RBFOX3: variants seen among roughly 807,000 people sequenced by gnomAD.
RBFOX3 encodes the protein RNA binding protein fox-1 homolog 3.
RBFOX3 carries 17 observed loss-of-function variants against 48.7 expected under a neutral mutation model. The observed-to-expected ratio is 0.35, with a 90% CI of 0.24 to 0.52. The LOEUF is 0.52. Among genes scored for constraint, RBFOX3 ranks in the 20% least tolerant of loss-of-function variants. The probability of loss-of-function intolerance (pLI) is 0.94; values close to 1 mark genes in which losing one functional copy is unlikely to be tolerated. For synonymous variants in RBFOX3, 212 were observed against 209.5 expected, an observed-to-expected ratio of 1.01 and a Z score of -0.10; for missense variants, 382 against 497.5, an observed-to-expected ratio of 0.77 and a Z score of 2.21.
At position 79,220,375 on chromosome 17, in the gene RBFOX3, C is replaced by A; in HGVS notation, c.-34+15391G>T. Among the ~76,000 whole-genome samples, 1 of 152,118 alleles carries A rather than the reference C, an allele frequency of 6.6e-6. No homozygotes were observed. Among genetic ancestry groups the A allele is most frequent in the East Asian group, 1.9e-4 (1 of 5,184 alleles). On this transcript the variant is annotated intron_variant, in intron 4 of 14. Transcript: ENST00000693108. The surrounding 1 kb of genome is among the most constrained non-coding windows in gnomAD (Gnocchi z 5.9). The stretch of plus-strand genomic sequence containing the variant: ...GTGCGGCTCTCCTCTCTGCCTCCCG[C>A]TCGCTCCTGCTCACTCCAGGTCCTC...
chr17:79,276,149 C>T (rs774450787), intron 3 of RBFOX3, among the ~76,000 whole-genome samples: 4 of 152,186 alleles, frequency 2.6e-5, no homozygotes, highest in Non-Finnish European at 4.4e-5. Context: ...ATTCCATTCA[C>T]GTGACACGTC....
At chr17:79,194,404 C>G (rs556687086) in intron 4 of RBFOX3, among the ~76,000 whole-genome samples, 1 of 152,062 alleles carries the variant, frequency 6.6e-6, no homozygotes, top group East Asian at 1.9e-4. Context: ...GTCAGGAGTT[C>G]AAGACCAGCC....
rs767564635 is a variant in RBFOX3 at position 79,309,198 on chromosome 17, C to T, written c.-174-1374G>A. 7.2e-5 allele frequency among the ~76,000 whole-genome samples: 11 copies of T among 152,090 alleles called. No homozygotes were observed. In the South Asian group the frequency reaches 1.0e-3, roughly 14 times the overall value. On this transcript the variant is annotated intron_variant, in intron 2 of 14. Transcript: ENST00000693108. ...CCCAGCCCACTAAGACAGAGCCTCA[C>T]GTGGCTTGTATTCCTCAAAGCACCT...
intron 2 of RBFOX3, among the ~76,000 whole-genome samples, chr17:79,427,633 C>T (rs2067630824): frequency 6.6e-6 from 1 of 152,208 alleles, no homozygotes; most frequent in Admixed American, 6.5e-5. Flanking sequence ...CGTGGAGACC[C>T]TTGTTAGGAC....
At chr17:79,397,493 C>A (rs750325883) in intron 2 of RBFOX3, among the ~76,000 whole-genome samples, 3,336 of 119,702 alleles carry the variant, frequency 0.028, 122 homozygotes, top group African/African-American at 0.084. Flanking sequence ...ACTCCATCCC[C>A]AAAAAAAAAA....
At chr17:79,330,277 T>C (rs1177166904) in intron 2 of RBFOX3, among the ~76,000 whole-genome samples, 3 of 152,048 alleles carry the variant, frequency 2.0e-5, no homozygotes, top group African/African-American at 4.8e-5. Flanking sequence ...TGAGGTGAAA[T>C]TGAAGGGTTT....
At chr17:79,259,769 C>T (rs561530653) in intron 3 of RBFOX3, among the ~76,000 whole-genome samples, 3 of 152,116 alleles carry the variant, frequency 2.0e-5, no homozygotes, top group Non-Finnish European at 4.4e-5. Context: ...TAGGTGCCCC[C>T]GCATCTCAGG....
intron 1 of RBFOX3, among the ~76,000 whole-genome samples, chr17:79,526,611 A>C (rs978980199): frequency 2.6e-5 from 4 of 152,178 alleles, no homozygotes; most frequent in African/African-American, 9.7e-5. Context: ...GCAAAGGGAA[A>C]AACCACAAAG....
chr17:79,203,427 T>G (rs1260803404), intron 4 of RBFOX3, among the ~76,000 whole-genome samples: 2 of 670 alleles, frequency 3.0e-3, no homozygotes, highest in African/African-American at 6.8e-3. Context: ...ACTGTGGGGG[T>G]GGGTGGAGGG....
intron 3 of RBFOX3, among the ~76,000 whole-genome samples, chr17:79,277,894 T>C (rs1435171919): frequency 2.0e-5 from 3 of 152,030 alleles, no homozygotes; most frequent in Non-Finnish European, 4.4e-5. Context: ...GGATGGGAGG[T>C]TGTCTCTGCA....
At chr17:79,440,644 G>C (rs906474502) in intron 2 of RBFOX3, among the ~76,000 whole-genome samples, 6 of 152,148 alleles carry the variant, frequency 3.9e-5, no homozygotes, top group African/African-American at 1.2e-4. Context: ...CTGGACCCCG[G>C]ACCATGCCCC....
At chr17:79,574,930 G>A (rs2092806728) in intron 1 of RBFOX3, among the ~76,000 whole-genome samples, 1 of 152,214 alleles carries the variant, frequency 6.6e-6, no homozygotes, top group African/African-American at 2.4e-5. Context: ...TCTGGGCCAG[G>A]CCTGAGTTTG....
chr17:79,144,019 C>T (rs148744085), intron 4 of RBFOX3, among the ~76,000 whole-genome samples: 1,715 of 152,328 alleles, frequency 0.011, 13 homozygotes, highest in Non-Finnish European at 0.018. Flanking sequence ...AACAGGCCCC[C>T]GTGCCCAGCT....
chr17:79,430,597 G>A (rs1488655364), intron 2 of RBFOX3, among the ~76,000 whole-genome samples: 1 of 152,238 alleles, frequency 6.6e-6, no homozygotes, highest in East Asian at 1.9e-4. Context: ...CCCAGGTGGA[G>A]TACAGTGGCG....
chr17:79,623,231 G>A, the RBFOX3 span, among the ~76,000 whole-genome samples: 1 of 152,196 alleles, frequency 6.6e-6, no homozygotes, highest in East Asian at 1.9e-4. Context: ...GGTCAAGGCT[G>A]AACTTCTAGA....
At chr17:79,547,363 G>A (rs1346107097) in intron 1 of RBFOX3, among the ~76,000 whole-genome samples, 1 of 152,186 alleles carries the variant, frequency 6.6e-6, no homozygotes. Flanking sequence ...GCCGAGGCAG[G>A]AGAATTGCTT....
In RBFOX3 at chr17:79,311,419, G is replaced by A. The variant is rs1387778052; in HGVS notation, c.-174-3595C>T. ...TTGCACTCCAGCCTGGGTAAGAAGA[G>A]CGAGACTCCATCTCCAAAAAAAAAA... is the stretch of plus-strand genomic sequence containing the variant. On this transcript the variant is annotated intron_variant, in intron 2 of 14. Transcript: ENST00000693108. The surrounding 1 kb of genome is among the most constrained non-coding windows in gnomAD (Gnocchi z 4.2). Among the ~76,000 whole-genome samples the A allele has an allele frequency of 5.4e-5, 7 of 130,298 alleles. No homozygotes were observed. In the East Asian group the frequency reaches 1.6e-3, roughly 30 times the overall value. The allele number at this position is 130,298 out of a possible 152,430, so 85.5% of individuals were successfully genotyped here.
chr17:79,272,238 G>A (rs1600337048), intron 3 of RBFOX3, among the ~76,000 whole-genome samples: 1 of 152,128 alleles, frequency 6.6e-6, no homozygotes, highest in Non-Finnish European at 1.5e-5. Flanking sequence ...TGGCCTTTGT[G>A]GCTGGGGGCG....
At chr17:79,464,779 G>A (rs146967819) in intron 2 of RBFOX3, among the ~76,000 whole-genome samples, 30 of 152,348 alleles carry the variant, frequency 2.0e-4, no homozygotes, top group African/African-American at 6.3e-4. Context: ...CCTTCCCTCC[G>A]CGGCCCCGAG....
Sources: gnomAD v4.1 joint callset for allele counts (sites outside exome capture counted in the v4.1 genomes callset) on GRCh38, gnomAD v4.1.1 for gene constraint, Gnocchi (gnomAD v3.1) non-coding constraint, MANE v1.5 for transcripts, NCBI Gene and HGNC (gene_info 2026-07-23, HGNC 2026-07-21) for gene names.